DHX32: variants seen among roughly 807,000 people sequenced by gnomAD.
DHX32 encodes the protein putative pre-mRNA-splicing factor ATP-dependent RNA helicase DHX32.
Under a neutral mutation model 70.0 loss-of-function variants are expected in DHX32, and 51 were observed. The ratio of observed to expected loss-of-function variants is 0.73; its 90% confidence interval spans 0.58 to 0.92. DHX32 has a LOEUF of 0.92. DHX32 is among the 40% of genes least tolerant of loss of function. The probability of loss-of-function intolerance (pLI) is 0.00; values close to 1 mark genes in which losing one functional copy is unlikely to be tolerated. For synonymous variants in DHX32, 310 were observed against 315.3 expected (o/e 0.98, Z 0.18); for missense variants, 762 against 891.8 (o/e 0.85, Z 1.85).
At chr10:125,875,341 C>T (rs1944278159) in intron 1 of DHX32, among the ~76,000 whole-genome samples, 1 of 152,070 alleles carries the variant, frequency 6.6e-6, no homozygotes, top group African/African-American at 2.4e-5. Flanking sequence ...ATGGTTTCTA[C>T]ACCGGCATGC....
At chr10:125,842,179 G>A (rs1009180178) in intron 6 of DHX32, 4 of 452,984 alleles carry the variant, frequency 8.8e-6, no homozygotes, top group South Asian at 7.0e-5. Flanking sequence ...GTGTGCATGC[G>A]GGGGGAACCC....
In DHX32 at chr10:125,841,813, C is replaced by G; in HGVS notation, c.1473G>C (p.Ser491=). Residue 491 remains serine, a synonymous_variant, in exon 7 of 11, where the codon TCG becomes TCC. Transcript: ENST00000284690. ...MSEFPLDPQL[S]KSILASCEFD... The stretch of plus-strand genomic sequence containing the variant: ...ATTCACAGGACGCTAAGATAGACTT[C>G]GAGAGTTGTGGATCAAGAGGAAACT... 1.9e-6 allele frequency: 3 copies of G among 1,613,650 alleles called. No individual in the cohort carries two copies. The highest frequency in any genetic ancestry group is 2.5e-6 in the Non-Finnish European group (3 of 1,179,962).
intron 1 of DHX32, among the ~76,000 whole-genome samples, chr10:125,872,036 A>G (rs1944259264): frequency 6.6e-6 from 1 of 151,772 alleles, no homozygotes; most frequent in African/African-American, 2.4e-5. Flanking sequence ...CTAATTTTGT[A>G]TTTTTAGTAG....
intron 8 of DHX32, among the ~76,000 whole-genome samples, chr10:125,839,530 A>G (rs1317649158): frequency 6.6e-6 from 1 of 152,242 alleles, no homozygotes; most frequent in Admixed American, 6.5e-5. Flanking sequence ...TGTAAGATCT[A>G]TGTTGTGTCT....
In DHX32 at chr10:125,876,091, T is replaced by C. The variant is rs551447837; in HGVS notation, c.282+4452A>G. ...GACAACTGGAGGCCCTATAACTGGA[T>C]AGACCAGTAACTCCTCTGTTGTCCC... On this transcript the variant is annotated intron_variant, in intron 1 of 10. Transcript: ENST00000284690. 5.9e-5 allele frequency among the ~76,000 whole-genome samples: 9 copies of C among 152,338 alleles called. No individual in the cohort carries two copies. The South Asian group carries it at 1.9e-3, about 32-fold the overall frequency.
chr10:125,893,893 A>C (rs1944386106), intron 1 of DHX32, among the ~76,000 whole-genome samples: 2 of 152,390 alleles, frequency 1.3e-5, no homozygotes, highest in South Asian at 4.1e-4. Context: ...GCATTAAATA[A>C]TGTTAACCTC....
upstream of DHX32, among the ~76,000 whole-genome samples, chr10:125,885,057 T>A (rs1944334936): frequency 6.6e-6 from 1 of 151,968 alleles, no homozygotes; most frequent in Admixed American, 6.6e-5. Context: ...TACCTATGCA[T>A]CATCTCCCAC....
At chr10:125,869,462 G>C (rs562410675) in intron 1 of DHX32, 1 of 152,368 alleles carries the variant, frequency 6.6e-6, no homozygotes, top group Non-Finnish European at 1.5e-5. Context: ...TATAGTCCCA[G>C]CTACTCAGGA....
intron 1 of DHX32, among the ~76,000 whole-genome samples, chr10:125,870,007 G>T (rs773562849): frequency 3.9e-5 from 6 of 152,062 alleles, no homozygotes; most frequent in African/African-American, 7.2e-5. Context: ...ATAGGAAGAA[G>T]ACAAATATTC....
intron 1 of DHX32, among the ~76,000 whole-genome samples, chr10:125,886,893 G>A (rs56145186): frequency 2.7e-5 from 4 of 148,780 alleles, no homozygotes; most frequent in Non-Finnish European, 4.5e-5. Context: ...GCAACATCAA[G>A]TATGAGGGGA....
At chr10:125,857,219 A>C (rs1220130935) in intron 3 of DHX32, among the ~76,000 whole-genome samples, 1 of 152,240 alleles carries the variant, frequency 6.6e-6, no homozygotes, top group Non-Finnish European at 1.5e-5. Context: ...TAAAAAAGAA[A>C]AGTCCATCAG....
chr10:125,874,758 T>A (rs1944274795), intron 1 of DHX32, among the ~76,000 whole-genome samples: 1 of 152,104 alleles, frequency 6.6e-6, no homozygotes, highest in African/African-American at 2.4e-5. Flanking sequence ...AAACTCATGG[T>A]TTTTAAGATA....
At chr10:125,852,736 T>A in intron 4 of DHX32, 94 bp from the exon 5 acceptor site, 1 of 1,108,142 alleles carries the variant, frequency 9.0e-7, no homozygotes, top group Non-Finnish European at 1.3e-6. Flanking sequence ...AGTACTTTAC[T>A]CCATGAAATG....
chr10:125,856,673 C>T lies in DHX32; in HGVS notation c.850-2470G>A, dbSNP rs557020204. Among the ~76,000 whole-genome samples, 194 of 152,242 alleles carry T rather than the reference C, an allele frequency of 1.3e-3. 1 individual carries two copies. Among genetic ancestry groups the T allele is most frequent in the African/African-American group, 4.5e-3 (187 of 41,558 alleles). On this transcript the variant is annotated intron_variant, in intron 3 of 10. Coordinates refer to ENST00000284690, the MANE Select transcript of DHX32 (RefSeq NM_018180.3). ...ATATAAAAAATGGCAGGGCTGGGTG[C>T]AGTGGCTCATGCCTATAATCCCAGC... is the stretch of plus-strand genomic sequence containing the variant.
chr10:125,847,277 A>G (rs1564824656), intron 6 of DHX32, among the ~76,000 whole-genome samples: 1 of 152,206 alleles, frequency 6.6e-6, no homozygotes, highest in Non-Finnish European at 1.5e-5. Flanking sequence ...ATGAGAAACT[A>G]AAAAACTTGT....
chr10:125,853,912 G>T, intron 4 of DHX32, 49 bp downstream of exon 4: 3 of 1,579,258 alleles, frequency 1.9e-6, no homozygotes, highest in Non-Finnish European at 2.6e-6. Context: ...TGAGAAACTA[G>T]TGCTTGACAA....
Position 125,881,162 on chromosome 10 carries a change from A to AT in DHX32, c.-339dup, listed in dbSNP as rs5788717. 0.14 allele frequency: 25,247 copies of AT among 177,152 alleles called. 1,882 individuals are homozygous for AT. Among genetic ancestry groups the AT allele is most frequent in the Admixed American group, 0.31 (4,823 of 15,784 alleles). The allele number at this position is 177,152 out of a possible 1,614,324, so 11.0% of individuals were successfully genotyped here. A position where few individuals can be genotyped will look rare whatever the true frequency, so the allele number is the denominator to read the frequency against. On this transcript the variant is annotated 5_prime_UTR_variant, in exon 1 of 11. Coordinates refer to ENST00000284690, the MANE Select transcript of DHX32 (RefSeq NM_018180.3). ...CACAGGAGTTCAAATGAAAAGCATTATTTTTTTTTTTTCTGTTAACGGGTT... is the reference window on the plus strand; with the variant it reads ...CACAGGAGTTCAAATGAAAAGCATTATTTTTTTTTTTTTCTGTTAACGGGTT...
chr10:125,843,381 C>T (rs1241413795), intron 6 of DHX32, among the ~76,000 whole-genome samples: 1 of 152,026 alleles, frequency 6.6e-6, no homozygotes, highest in East Asian at 1.9e-4. Context: ...GAGGCCGAGG[C>T]GGGAGGATCA....
rs202080119 is a variant in DHX32, at chr10:125,880,871, T to C, written c.-47A>G. The C allele has an allele frequency of 1.7e-5, 27 of 1,579,752 alleles. No homozygotes were observed. Among genetic ancestry groups the C allele is most frequent in the African/African-American group, 4.1e-5 (3 of 73,660 alleles). ...GCAGCTGACATTCCACAAGCAAGTT[T>C]CTCCTATCAGTAACCCATTGCAAAC... On this transcript the variant is annotated 5_prime_UTR_variant, in exon 1 of 11. Transcript: ENST00000284690.
Sources: gnomAD v4.1 joint callset for allele counts (sites outside exome capture counted in the v4.1 genomes callset) on GRCh38, gnomAD v4.1.1 for gene constraint, MANE v1.5 for transcripts, NCBI Gene and HGNC (gene_info 2026-07-23, HGNC 2026-07-21) for gene names.